PLCH1: variants seen among roughly 807,000 people sequenced by gnomAD.
PLCH1 encodes phospholipase C eta 1, also known as 1-phosphatidylinositol 4,5-bisphosphate phosphodiesterase eta-1.
Under a neutral mutation model 126.7 loss-of-function variants are expected in PLCH1, and 60 were observed. The ratio of observed to expected loss-of-function variants is 0.47; its 90% confidence interval spans 0.38 to 0.59. The LOEUF (loss-of-function observed/expected upper bound fraction) is 0.59. Ranked by LOEUF, PLCH1 falls within the 20% of genes least tolerant of loss-of-function variation. The pLI is 0.00. For missense variants in PLCH1, 1,723 were observed against 2,040.0 expected (o/e 0.84, Z 2.99); for synonymous variants, 719 against 734.9 (o/e 0.98, Z 0.35).
intron 21 of PLCH1, among the ~76,000 whole-genome samples, chr3:155,486,513 G>GTTTTTTTTTTTTT: frequency 9.8e-6 from 1 of 102,032 alleles, no homozygotes; most frequent in Non-Finnish European, 1.9e-5. Context: ...GCTCAAGTTT[G>GTTTTTTTTTTTTT]TTTTTTTTTT....
intron 2 of PLCH1, among the ~76,000 whole-genome samples, chr3:155,685,904 G>A (rs372054795): frequency 6.6e-6 from 1 of 152,130 alleles, no homozygotes; most frequent in African/African-American, 2.4e-5. Flanking sequence ...TAAGAACTTG[G>A]TAGGATTTAC....
intron 11 of PLCH1, among the ~76,000 whole-genome samples, chr3:155,522,902 A>G (rs1256853412): frequency 8.0e-6 from 1 of 124,412 alleles, no homozygotes; most frequent in Admixed American, 1.1e-4. Context: ...TAAGTCTTAT[A>G]TTTCCCTCAG....
At chr3:155,523,187 A>G (rs1576902818) in intron 11 of PLCH1, among the ~76,000 whole-genome samples, 1 of 152,102 alleles carries the variant, frequency 6.6e-6, no homozygotes, top group African/African-American at 2.4e-5. Context: ...CATGTTAGCC[A>G]GGATGGTCTC....
At chr3:155,728,154 A>C (rs1748484267) in intron 1 of PLCH1, among the ~76,000 whole-genome samples, 1 of 152,178 alleles carries the variant, frequency 6.6e-6, no homozygotes, top group South Asian at 2.1e-4. Flanking sequence ...GCATTTAGGA[A>C]AATGATTTTT....
At chr3:155,570,756 C>T (rs1577040376) in intron 6 of PLCH1, among the ~76,000 whole-genome samples, 1 of 152,180 alleles carries the variant, frequency 6.6e-6, no homozygotes. Flanking sequence ...AAGTCCAAAG[C>T]ACTTTCTTGT....
At chr3:155,721,937 C>T (rs1747976450) in intron 1 of PLCH1, among the ~76,000 whole-genome samples, 1 of 151,974 alleles carries the variant, frequency 6.6e-6, no homozygotes, top group East Asian at 2.0e-4. Flanking sequence ...ATCTCAGCTA[C>T]TCGGGAGGCT....
chr3:155,501,682 C>A (rs1717927549), intron 13 of PLCH1, among the ~76,000 whole-genome samples: 1 of 152,004 alleles, frequency 6.6e-6, no homozygotes, highest in South Asian at 2.1e-4. Flanking sequence ...ATAATCCCAG[C>A]TACTTGGGAG....
chr3:155,683,539 C>T (rs571094173), intron 2 of PLCH1, among the ~76,000 whole-genome samples: 1 of 152,232 alleles, frequency 6.6e-6, no homozygotes, highest in East Asian at 1.9e-4. Context: ...TTGGTAATGA[C>T]TCAGAAAATG....
At chr3:155,546,736 A>G (rs1256880071) in intron 10 of PLCH1, among the ~76,000 whole-genome samples, 2 of 149,484 alleles carry the variant, frequency 1.3e-5, no homozygotes, top group Non-Finnish European at 1.5e-5. Flanking sequence ...ATAACGCCCC[A>G]TGTCTACAAC....
intron 2 of PLCH1, among the ~76,000 whole-genome samples, chr3:155,614,444 C>A (rs1232787329): frequency 6.7e-6 from 1 of 150,064 alleles, no homozygotes. Context: ...GATATAAAAA[C>A]AGGCACACAG....
At chr3:155,460,707 T>G (rs1475427075) in intron 21 of PLCH1, among the ~76,000 whole-genome samples, 1 of 152,110 alleles carries the variant, frequency 6.6e-6, no homozygotes, top group African/African-American at 2.4e-5. Flanking sequence ...CCCTAGTCAT[T>G]TCATCTATCT....
chr3:155,578,974 G>A (rs1430962062), intron 6 of PLCH1, among the ~76,000 whole-genome samples: 1 of 152,046 alleles, frequency 6.6e-6, no homozygotes, highest in African/African-American at 2.4e-5. Flanking sequence ...AGAAAAGTGT[G>A]AACAAACACG....
chr3:155,529,580 C>A (rs1241775514), intron 10 of PLCH1, among the ~76,000 whole-genome samples: 1 of 151,834 alleles, frequency 6.6e-6, no homozygotes, highest in Non-Finnish European at 1.5e-5. Flanking sequence ...AGTATTACGT[C>A]TAAAAAAAGT....
intron 1 of PLCH1, among the ~76,000 whole-genome samples, chr3:155,710,383 C>G (rs186052782): frequency 6.6e-6 from 1 of 152,298 alleles, no homozygotes; most frequent in Admixed American, 6.5e-5. Flanking sequence ...TGTGACTTGT[C>G]ACTAACAGTG....
chr3:155,647,245 A>G lies in PLCH1; in HGVS notation c.80-50867T>C, dbSNP rs140585586. On this transcript the variant is annotated intron_variant, in intron 2 of 22. Coordinates refer to ENST00000460012, the MANE Select transcript of PLCH1 (RefSeq NM_014996.4). Reference sequence around the variant, plus strand: ...GCATGTATTCTTAACCTGAGAGTCAATAAGGAAAGTGAATGTGGTCTTCTA... The same window carrying G: ...GCATGTATTCTTAACCTGAGAGTCAGTAAGGAAAGTGAATGTGGTCTTCTA... Among the ~76,000 whole-genome samples, 7 of 152,250 alleles carry G rather than the reference A, an allele frequency of 4.6e-5. No individual in the cohort carries two copies. The East Asian group carries it at 1.2e-3, about 25-fold the overall frequency.
intron 21 of PLCH1, among the ~76,000 whole-genome samples, chr3:155,453,533 A>G (rs945554151): frequency 3.3e-5 from 5 of 152,134 alleles, no homozygotes; most frequent in African/African-American, 7.2e-5. Context: ...ACATTACTTA[A>G]AGTAAATCAT....
intron 2 of PLCH1, among the ~76,000 whole-genome samples, chr3:155,629,766 G>A (rs1392355429): frequency 1.3e-5 from 2 of 152,102 alleles, no homozygotes; most frequent in African/African-American, 4.8e-5. Flanking sequence ...CTCGCCAGGG[G>A]CCTGCATGGT....
At chr3:155,688,906 A>G (rs1372075450) in intron 2 of PLCH1, among the ~76,000 whole-genome samples, 1 of 152,204 alleles carries the variant, frequency 6.6e-6, no homozygotes, top group Non-Finnish European at 1.5e-5. Context: ...AAATTGCTAA[A>G]GTTTTTTACT....
intron 2 of PLCH1, among the ~76,000 whole-genome samples, chr3:155,641,719 GT>G (rs1739421288): frequency 6.6e-6 from 1 of 151,948 alleles, no homozygotes; most frequent in Admixed American, 6.6e-5. Flanking sequence ...ATGTACAACT[GT>G]TATGTATCCA....
Sources: allele counts gnomAD v4.1 joint callset (sites outside exome capture counted in the v4.1 genomes callset), GRCh38; gene constraint gnomAD v4.1.1; transcripts MANE v1.5; gene names NCBI Gene and HGNC (gene_info 2026-07-23, HGNC 2026-07-21).